Variants in ANKS1B observed in about 807,000 individuals in gnomAD.
The protein encoded by ANKS1B is ankyrin repeat and sterile alpha motif domain containing 1B, also known as ankyrin repeat and sterile alpha motif domain-containing protein 1B.
A neutral mutation model predicts 148.3 loss-of-function variants in ANKS1B; 36 were observed. The observed-to-expected ratio is 0.24, with a 90% CI of 0.19 to 0.32. The LOEUF is 0.32. ANKS1B is among the 10% of genes least tolerant of loss of function. The pLI, the probability that ANKS1B is intolerant of heterozygous loss-of-function variation, is 1.00. For synonymous variants in ANKS1B, 542 were observed against 560.8 expected (o/e 0.97, Z 0.47); for missense variants, 1,157 against 1,542.6 (o/e 0.75, Z 4.19).
chr12:99,658,585 C>T (rs745808900), intron 8 of ANKS1B, among the ~76,000 whole-genome samples: 8 of 152,042 alleles, frequency 5.3e-5, no homozygotes, highest in Admixed American at 3.3e-4. Flanking sequence ...AGAGCATTGG[C>T]TTTTAACTCA....
intron 1 of ANKS1B, among the ~76,000 whole-genome samples, chr12:99,903,873 C>T (rs1328769304): frequency 6.6e-6 from 1 of 151,874 alleles, no homozygotes; most frequent in East Asian, 1.9e-4. Flanking sequence ...ACCTGTACCA[C>T]AATAACTTAT....
chr12:98,753,306 C>A (rs1333762316), intron 25 of ANKS1B, among the ~76,000 whole-genome samples: 6 of 152,206 alleles, frequency 3.9e-5, no homozygotes, highest in African/African-American at 1.4e-4. Flanking sequence ...CCAAAAGAGG[C>A]AGGGTGGCCA....
intron 16 of ANKS1B, among the ~76,000 whole-genome samples, chr12:99,065,636 ATCCC>A (rs1375656821): frequency 3.5e-5 from 1 of 28,716 alleles, no homozygotes; most frequent in Non-Finnish European, 9.2e-5. Flanking sequence ...CCATCCATCC[ATCCC>A]ATCCATCCAT....
chr12:98,937,220 T>A (rs2099819606), intron 17 of ANKS1B, among the ~76,000 whole-genome samples: 1 of 152,202 alleles, frequency 6.6e-6, no homozygotes. Context: ...ATTTACGTTT[T>A]TAGCATATGT....
At chr12:99,918,799 T>C (rs910705171) in intron 1 of ANKS1B, among the ~76,000 whole-genome samples, 4 of 152,226 alleles carry the variant, frequency 2.6e-5, no homozygotes, top group African/African-American at 9.6e-5. Flanking sequence ...GGTTTCAATG[T>C]AATCAGACAG....
intron 1 of ANKS1B, among the ~76,000 whole-genome samples, chr12:99,922,655 A>G (rs892019925): frequency 3.9e-5 from 6 of 152,140 alleles, no homozygotes; most frequent in African/African-American, 1.4e-4. Flanking sequence ...CAATTATGTT[A>G]TGATGTAAAC....
chr12:98,812,168 T>G (rs573537526), intron 19 of ANKS1B, among the ~76,000 whole-genome samples: 12 of 152,362 alleles, frequency 7.9e-5, no homozygotes, highest in African/African-American at 2.6e-4. Context: ...AACGACAGAC[T>G]GCATATGCTA....
chr12:98,744,473 GTTAT>G lies in ANKS1B; in HGVS notation c.*1262_*1265del. ...TTGTTAGAACAATATACATTAAAATGTTATTTTTTTCTATAATGATATTGGTACT... is the reference window on the plus strand; with the variant it reads ...TTGTTAGAACAATATACATTAAAATGTTTTTTCTATAATGATATTGGTACT... On this transcript the variant is annotated 3_prime_UTR_variant, in exon 27 of 27. Transcript: ENST00000683438. 1 of 682,972 alleles carries G rather than the reference GTTAT, an allele frequency of 1.5e-6. No individual in the cohort carries two copies. Among genetic ancestry groups the G allele is most frequent in the Non-Finnish European group, 1.8e-6 (1 of 554,194 alleles). 42.3% of individuals were successfully genotyped at this position (682,972 alleles called of 1,614,324 possible).
intron 1 of ANKS1B, among the ~76,000 whole-genome samples, chr12:99,887,303 T>A (rs1009996400): frequency 2.6e-5 from 4 of 152,228 alleles, no homozygotes; most frequent in Admixed American, 6.5e-5. Context: ...ACACACCAGA[T>A]TTCAATACTT....
intron 14 of ANKS1B, among the ~76,000 whole-genome samples, chr12:99,206,164 A>G (rs555073990): frequency 1.3e-5 from 2 of 152,256 alleles, no homozygotes; most frequent in South Asian, 2.1e-4. Context: ...ATATAACCCA[A>G]TGTGGCACTT....
intron 19 of ANKS1B, among the ~76,000 whole-genome samples, chr12:98,816,502 G>A (rs2099141935): frequency 6.6e-6 from 1 of 152,116 alleles, no homozygotes; most frequent in African/African-American, 2.4e-5. Flanking sequence ...CGCCATGTTG[G>A]CCAGGTCTCG....
At chr12:99,455,235 C>T (rs1362942279) in intron 10 of ANKS1B, among the ~76,000 whole-genome samples, 1 of 152,152 alleles carries the variant, frequency 6.6e-6, no homozygotes, top group Admixed American at 6.5e-5. Context: ...AGGCCAGAAC[C>T]CCTACTAAGT....
At position 98,965,869 on chromosome 12, in the gene ANKS1B, C is replaced by A. The variant is rs545214200; in HGVS notation, c.2778+87288G>T. 4.6e-5 allele frequency among the ~76,000 whole-genome samples: 7 copies of A among 152,286 alleles called. No homozygotes were observed. The East Asian group carries it at 1.3e-3, about 29-fold the overall frequency. Reference sequence around the variant, plus strand: ...TATGTAGAAAGCTGAAACTGGATCCCTTCCTTACACCTCATACGAAAATTA... The same window carrying A: ...TATGTAGAAAGCTGAAACTGGATCCATTCCTTACACCTCATACGAAAATTA... On this transcript the variant is annotated intron_variant, in intron 17 of 26. Coordinates refer to ENST00000683438, the MANE Select transcript of ANKS1B (RefSeq NM_001352186.2).
chr12:98,752,009 T>G (rs2098106744), intron 25 of ANKS1B, among the ~76,000 whole-genome samples: 1 of 152,208 alleles, frequency 6.6e-6, no homozygotes, highest in Non-Finnish European at 1.5e-5. Flanking sequence ...TTCCTGTAAA[T>G]TGTGTATTCA....
At chr12:99,496,084 C>G (rs1405873635) in intron 10 of ANKS1B, among the ~76,000 whole-genome samples, 1 of 152,142 alleles carries the variant, frequency 6.6e-6, no homozygotes, top group African/African-American at 2.4e-5. Context: ...TATCAGAGAT[C>G]ATCTATTCTC....
At chr12:99,093,149 C>T (rs2054655615) in intron 15 of ANKS1B, among the ~76,000 whole-genome samples, 1 of 152,222 alleles carries the variant, frequency 6.6e-6, no homozygotes, top group Admixed American at 6.5e-5. Context: ...CACAAGCTTA[C>T]ATCTATATTT....
intron 21 of ANKS1B, among the ~76,000 whole-genome samples, chr12:98,800,389 T>A: frequency 6.6e-6 from 1 of 152,112 alleles, no homozygotes; most frequent in East Asian, 1.9e-4. Flanking sequence ...AATGCACTGC[T>A]GAAGGTTCAG....
chr12:98,748,879 A>T lies in ANKS1B; in HGVS notation c.3747+2476T>A, dbSNP rs192850371. On this transcript the variant is annotated intron_variant, in intron 26 of 26. Coordinates refer to ENST00000683438, the MANE Select transcript of ANKS1B (RefSeq NM_001352186.2). ...AGATAGAGGCACCTGCTGTGAACAG[A>T]TTTATTCAGCCCACATGAGAATGAA... Among the ~76,000 whole-genome samples the T allele has an allele frequency of 1.2e-3, 179 of 152,296 alleles. 1 individual carries two copies. Among genetic ancestry groups the T allele is most frequent in the African/African-American group, 4.1e-3 (170 of 41,562 alleles).
At chr12:98,784,741 C>T (rs1200240111) in intron 22 of ANKS1B, among the ~76,000 whole-genome samples, 2 of 152,146 alleles carry the variant, frequency 1.3e-5, no homozygotes, top group African/African-American at 4.8e-5. Flanking sequence ...AAAGATCCCA[C>T]ATCAGATGCT....
Sources: gnomAD v4.1 joint callset for allele counts (sites outside exome capture counted in the v4.1 genomes callset) on GRCh38, gnomAD v4.1.1 for gene constraint, MANE v1.5 for transcripts, NCBI Gene and HGNC (gene_info 2026-07-23, HGNC 2026-07-21) for gene names.